EPHB3: variants seen among roughly 807,000 people sequenced by gnomAD.
The protein encoded by EPHB3 is EPH receptor B3.
Under a neutral mutation model 100.2 loss-of-function variants are expected in EPHB3, and 33 were observed. That is an observed-to-expected ratio of 0.33 (90% confidence interval 0.25 to 0.44). The LOEUF (loss-of-function observed/expected upper bound fraction) is 0.44, where lower values mean the gene tolerates loss of function less well. Among genes scored for constraint, EPHB3 ranks in the 20% least tolerant of loss-of-function variants. EPHB3 has a pLI of 1.00. For missense variants in EPHB3, 1,045 were observed against 1,378.3 expected (o/e 0.76, Z 3.83); for synonymous variants, 526 against 554.7 (o/e 0.95, Z 0.73).
At position 184,577,119 on chromosome 3, in the gene EPHB3, T is replaced by C; in HGVS notation, c.1290T>C (p.Gly430=). 1 of 1,612,304 alleles carries C rather than the reference T, an allele frequency of 6.2e-7. No homozygotes were observed. The highest frequency in any genetic ancestry group is 8.5e-7 in the Non-Finnish European group (1 of 1,179,040). Residue 430 remains glycine (G), a synonymous_variant, in exon 5 of 16, where the codon GGT becomes GGC. Coordinates refer to ENST00000330394, the MANE Select transcript of EPHB3 (RefSeq NM_004443.4). This position sits in a 1 kb window ranked among gnomAD's most constrained non-coding sequence, Gnocchi z 4.9. ...RYTFEVQAVN[G]VSGKSPLPPR... is the part of the protein sequence containing the mutation. ...CCTTTGAGGTGCAGGCGGTCAACGG[T>C]GTCTCGGGCAAGAGCCCTCTGCCGC... is the stretch of plus-strand genomic sequence containing the variant.
chr3:184,575,951 T>C lies in EPHB3; in HGVS notation c.978T>C (p.Arg326=), dbSNP rs368716878. 6.2e-7 allele frequency: 1 copy of C among 1,613,774 alleles called. No individual in the cohort carries two copies. Among genetic ancestry groups the C allele is most frequent in the Non-Finnish European group, 8.5e-7 (1 of 1,179,828 alleles). ...SICTCHNNFY[R]ADSDSADSAC... ...GCACCTGCCACAATAACTTCTACCG[T>C]GCAGACTCGGACTCTGCGGACAGTG... The change falls in exon 4 of 16, where the codon CGT becomes CGC. Residue 326 remains arginine (R), a synonymous_variant. Coordinates refer to ENST00000330394, the MANE Select transcript of EPHB3 (RefSeq NM_004443.4).
Position 184,575,963 on chromosome 3 carries a change from C to T in EPHB3, c.990C>T (p.Asp330=), listed in dbSNP as rs1203536929. Residue 330 remains aspartate, a synonymous_variant, in exon 4 of 16, where the codon GAC becomes GAT. Coordinates refer to ENST00000330394, the MANE Select transcript of EPHB3 (RefSeq NM_004443.4). ...CHNNFYRADS[D]SADSACTTVP... is the part of the protein sequence containing the mutation. ...ATAACTTCTACCGTGCAGACTCGGA[C>T]TCTGCGGACAGTGCCTGTACCAGTG... The T allele has an allele frequency of 1.2e-6, 2 of 1,613,262 alleles. No homozygotes were observed. The highest frequency in any genetic ancestry group is 2.7e-5 in the African/African-American group (2 of 74,916).
In EPHB3 at chr3:184,579,794, G is replaced by A; in HGVS notation, c.2032G>A (p.Asp678Asn). 6.2e-7 allele frequency: 1 copy of A among 1,613,778 alleles called. No homozygotes were observed. Among genetic ancestry groups the A allele is most frequent in the Non-Finnish European group, 8.5e-7 (1 of 1,179,952 alleles). ...KVGYTERQRRDFLSEASIMGQ... is the reference protein window; with the variant it reads ...KVGYTERQRRNFLSEASIMGQ... Reference sequence around the variant, plus strand: ...GGGCTACACCGAGAGGCAGCGGCGGGACTTCCTAAGCGAGGCCTCCATCAT... The same window carrying A: ...GGGCTACACCGAGAGGCAGCGGCGGAACTTCCTAAGCGAGGCCTCCATCAT... Residue 678 changes from aspartate to asparagine, a missense_variant, in exon 11 of 16, where the codon GAC (aspartate) becomes AAC (asparagine). By Grantham distance (23) the Asp-to-Asn change is conservative (BLOSUM62 1). Around this residue, in one of 2 missense-constraint regions of EPHB3, gnomAD observed 985 missense variants for 1,331.1 expected, o/e 0.74. Transcript: ENST00000330394. This position sits in a 1 kb window ranked among gnomAD's most constrained non-coding sequence, Gnocchi z 5.2.
chr3:184,578,733 AG>A lies in EPHB3; in HGVS notation c.1801+269del, dbSNP rs1714747101. On this transcript the variant is annotated intron_variant, in intron 9 of 15. Transcript: ENST00000330394. This position sits in a 1 kb window ranked among gnomAD's most constrained non-coding sequence, Gnocchi z 4.7. ...TGGGAAAGACAAGATGCAAACACACAGGAAACAATTTGAGAACAATTAAGGG... is the reference window on the plus strand; with the variant it reads ...TGGGAAAGACAAGATGCAAACACACAGAAACAATTTGAGAACAATTAAGGG... Among the ~76,000 whole-genome samples the A allele has an allele frequency of 6.6e-6, 1 of 152,210 alleles. No homozygotes were observed.
intron 1 of EPHB3, among the ~76,000 whole-genome samples, chr3:184,568,888 T>G (rs957797190): frequency 2.8e-5 from 4 of 144,194 alleles, no homozygotes; most frequent in Non-Finnish European, 4.6e-5. Flanking sequence ...ATCCCCTCCC[T>G]CCCTCCCTCT....
chr3:184,580,124 G>GT lies in EPHB3; in HGVS notation c.2172+191dup, dbSNP rs749898653. On this transcript the variant is annotated intron_variant, in intron 11 of 15. Coordinates refer to ENST00000330394, the MANE Select transcript of EPHB3 (RefSeq NM_004443.4). ...ACATCTTGACTGTTCCTTACTGCCT[G>GT]TGTGACCTCAGGCAAGTGACTTAAC... Among the ~76,000 whole-genome samples, 10 of 152,320 alleles carry GT rather than the reference G, an allele frequency of 6.6e-5. No homozygotes were observed. In the East Asian group the frequency reaches 1.7e-3, roughly 26 times the overall value.
rs188123192 is a variant in EPHB3, at chr3:184,565,911, C to A, written c.118+3558C>A. The stretch of plus-strand genomic sequence containing the variant: ...TGCCGTGGGCAAGGCCTCTGCCGCA[C>A]GGCCTTCCACTAATTAAACAGCATG... On this transcript the variant is annotated intron_variant, in intron 1 of 15. Transcript: ENST00000330394. The surrounding 1 kb of genome is among the most constrained non-coding windows in gnomAD (Gnocchi z 4.8). 1.1e-3 allele frequency among the ~76,000 whole-genome samples: 172 copies of A among 152,354 alleles called. 1 individual carries two copies. The highest frequency in any genetic ancestry group is 3.8e-3 in the African/African-American group (157 of 41,580).
Position 184,577,934 on chromosome 3 carries a change from T to G in EPHB3, c.1676T>G (p.Leu559Arg), listed in dbSNP as rs1714720741. 2 of 1,613,980 alleles carry G rather than the reference T, an allele frequency of 1.2e-6. No individual in the cohort carries two copies. Among genetic ancestry groups the G allele is most frequent in the Non-Finnish European group, 1.7e-6 (2 of 1,179,964 alleles). The change falls in exon 8 of 16, where the codon CTC (leucine) becomes CGC (arginine). Residue 559 changes from leucine (L) to arginine (R), a missense_variant. Coordinates refer to ENST00000330394, the MANE Select transcript of EPHB3 (RefSeq NM_004443.4). This position sits in a 1 kb window ranked among gnomAD's most constrained non-coding sequence, Gnocchi z 4.9. ...CAGCAGCTCCAGGAGCAGCTTCCCCTCATCGTGGGCTCCGCTACAGCTGGG... is the reference window on the plus strand; with the variant it reads ...CAGCAGCTCCAGGAGCAGCTTCCCCGCATCGTGGGCTCCGCTACAGCTGGG... ...GAQQLQEQLP[L>R]IVGSATAGLV... is the part of the protein sequence containing the mutation.
chr3:184,569,263 T>C lies in EPHB3; in HGVS notation c.119-2055T>C, dbSNP rs1480720005. Among the ~76,000 whole-genome samples the C allele has an allele frequency of 6.6e-6, 1 of 151,866 alleles. No homozygotes were observed. Among genetic ancestry groups the C allele is most frequent in the Non-Finnish European group, 1.5e-5 (1 of 67,942 alleles). The stretch of plus-strand genomic sequence containing the variant: ...CGCTTGCTCTGCCGGCTCCCGGGAC[T>C]GACACTCGCGCTGCCGGCTGGGGAC... On this transcript the variant is annotated intron_variant, in intron 1 of 15. Transcript: ENST00000330394. This position sits in a 1 kb window ranked among gnomAD's most constrained non-coding sequence, Gnocchi z 5.4.
chr3:184,577,504 G>A lies in EPHB3; in HGVS notation c.1479+37G>A. The A allele has an allele frequency of 6.2e-7, 1 of 1,611,040 alleles. No homozygotes were observed. The highest frequency in any genetic ancestry group is 8.5e-7 in the Non-Finnish European group (1 of 1,178,384). On this transcript the variant is annotated intron_variant, in intron 6 of 15. Coordinates refer to ENST00000330394, the MANE Select transcript of EPHB3 (RefSeq NM_004443.4). The surrounding 1 kb of genome is among the most constrained non-coding windows in gnomAD (Gnocchi z 4.9). ...AAGGGGCAGGAGGAGGCCTTGGGCT[G>A]AGCTGGGCTGAGAAAATTACCCCCG...
rs900852237 is a variant in EPHB3, at chr3:184,572,356, C to T, written c.184-148C>T. 7 of 829,924 alleles carry T rather than the reference C, an allele frequency of 8.4e-6. No homozygotes were observed. Among genetic ancestry groups the T allele is most frequent in the Admixed American group, 3.9e-5 (1 of 25,434 alleles). 51.4% of individuals were successfully genotyped at this position (829,924 alleles called of 1,614,324 possible). A position where few individuals can be genotyped will look rare whatever the true frequency, so the allele number is the denominator to read the frequency against. On this transcript the variant is annotated intron_variant, in intron 2 of 15. Coordinates refer to ENST00000330394, the MANE Select transcript of EPHB3 (RefSeq NM_004443.4). This position sits in a 1 kb window ranked among gnomAD's most constrained non-coding sequence, Gnocchi z 6.6. The stretch of plus-strand genomic sequence containing the variant: ...CCATAATCACACAGCAGGCAGAGAG[C>T]TGGAATTTGAGCCCATATAGCCTGT...
intron 3 of EPHB3, among the ~76,000 whole-genome samples, chr3:184,574,020 C>T (rs1714611033): frequency 6.6e-6 from 1 of 152,160 alleles, no homozygotes; most frequent in African/African-American, 2.4e-5. Flanking sequence ...TGGCCCTGGG[C>T]AAGTTACTTA....
In EPHB3 at chr3:184,577,148, G is replaced by A. The variant is rs370732996; in HGVS notation, c.1319G>A (p.Arg440His). Residue 440 changes from arginine (R) to histidine (H), a missense_variant, in exon 5 of 16, where the codon CGT becomes CAT. Arg to His is a conservative substitution (Grantham distance 29). This residue lies in a region of EPHB3 where 985 missense variants were observed against 1,331.1 expected (regional missense o/e 0.74). Transcript: ENST00000330394. The surrounding 1 kb of genome is among the most constrained non-coding windows in gnomAD (Gnocchi z 4.9). ...TCGGGCAAGAGCCCTCTGCCGCCTCGTTATGCGGCCGTGAATATCACCACA... is the reference window on the plus strand; with the variant it reads ...TCGGGCAAGAGCCCTCTGCCGCCTCATTATGCGGCCGTGAATATCACCACA... ...GVSGKSPLPP[R>H]YAAVNITTNQ... 1.1e-5 allele frequency: 18 copies of A among 1,608,324 alleles called. No homozygotes were observed. The East Asian group carries it at 1.3e-4, about 12-fold the overall frequency.
rs1291164104 is a variant in EPHB3 at position 184,569,541 on chromosome 3, G to A, written c.119-1777G>A. Among the ~76,000 whole-genome samples, 1 of 152,140 alleles carries A rather than the reference G, an allele frequency of 6.6e-6. No homozygotes were observed. The highest frequency in any genetic ancestry group is 1.5e-5 in the Non-Finnish European group (1 of 68,024). On this transcript the variant is annotated intron_variant, in intron 1 of 15. Coordinates refer to ENST00000330394, the MANE Select transcript of EPHB3 (RefSeq NM_004443.4). This position sits in a 1 kb window ranked among gnomAD's most constrained non-coding sequence, Gnocchi z 5.4. ...GCTTCCCTCGAGTACCCCCCAGGCC[G>A]AATGTCTGTGTCTGTCTGTCTGTCT...
rs1714718875 is a variant in EPHB3, at chr3:184,577,901, C to T, written c.1643C>T (p.Ser548Phe). 5.6e-6 allele frequency: 9 copies of T among 1,613,732 alleles called. No homozygotes were observed. Among genetic ancestry groups the T allele is most frequent in the Non-Finnish European group, 7.6e-6 (9 of 1,179,806 alleles). The part of the protein sequence containing the change: ...AEFETTSERG[S>F]GAQQLQEQLP... ...GCAGCCCCTTCTCTATCTCCAGGCTCTGGGGCCCAGCAGCTCCAGGAGCAG... is the reference window on the plus strand; with the variant it reads ...GCAGCCCCTTCTCTATCTCCAGGCTTTGGGGCCCAGCAGCTCCAGGAGCAG... The change falls in exon 8 of 16, where the codon TCT becomes TTT. Residue 548 changes from serine to phenylalanine, a missense_variant. Transcript: ENST00000330394. This position sits in a 1 kb window ranked among gnomAD's most constrained non-coding sequence, Gnocchi z 4.9.
rs1052822482 is a variant in EPHB3, at chr3:184,573,142, C to T, written c.822C>T (p.Gly274=). 7.4e-6 allele frequency: 12 copies of T among 1,612,516 alleles called. No homozygotes were observed. In the African/African-American group the frequency reaches 1.6e-4, roughly 22 times the overall value. ...VPVGACTCAT[G]HEPAAKESQC... ...TGGGTGCCTGCACCTGTGCCACCGG[C>T]CATGAGCCAGCTGCCAAGGAGTCCC... The change falls in exon 3 of 16, where the codon GGC becomes GGT. Residue 274 remains glycine (G), a synonymous_variant. Transcript: ENST00000330394. This position sits in a 1 kb window ranked among gnomAD's most constrained non-coding sequence, Gnocchi z 4.5.
chr3:184,577,307 C>T lies in EPHB3; in HGVS notation c.1355-36C>T, dbSNP rs977264187. On this transcript the variant is annotated intron_variant, in intron 5 of 15. Coordinates refer to ENST00000330394, the MANE Select transcript of EPHB3 (RefSeq NM_004443.4). This position sits in a 1 kb window ranked among gnomAD's most constrained non-coding sequence, Gnocchi z 4.9. ...GGGTCTTTGGGAAGGATGCCAGGGT[C>T]CAGGGAGCCCCTGGTGAGCCCTCTG... 2 of 1,606,380 alleles carry T rather than the reference C, an allele frequency of 1.2e-6. No homozygotes were observed. The highest frequency in any genetic ancestry group is 2.7e-5 in the African/African-American group (2 of 74,718).
At chr3:184,567,049 G>T (rs1328448489) in intron 1 of EPHB3, among the ~76,000 whole-genome samples, 1 of 152,100 alleles carries the variant, frequency 6.6e-6, no homozygotes, top group African/African-American at 2.4e-5. Flanking sequence ...GAAGAGCCTT[G>T]CCCAGAGCTT....
Position 184,579,988 on chromosome 3 carries a change from A to C in EPHB3, c.2172+54A>C. The C allele has an allele frequency of 6.3e-7, 1 of 1,574,930 alleles. No homozygotes were observed. Among genetic ancestry groups the C allele is most frequent in the Non-Finnish European group, 8.6e-7 (1 of 1,162,134 alleles). On this transcript the variant is annotated intron_variant, in intron 11 of 15. Transcript: ENST00000330394. The surrounding 1 kb of genome is among the most constrained non-coding windows in gnomAD (Gnocchi z 5.2). ...TCCCCCAGAGAGTTGGATTGGGCTC[A>C]CCATCCCCTCCCACAAGTCAGACAG... is the stretch of plus-strand genomic sequence containing the variant.
Sources: gnomAD v4.1 joint callset for allele counts (sites outside exome capture counted in the v4.1 genomes callset) on GRCh38, gnomAD v4.1.1 for gene constraint, gnomAD v4.1.1 regional missense constraint, Gnocchi (gnomAD v3.1) non-coding constraint, MANE v1.5 for transcripts, NCBI Gene and HGNC (gene_info 2026-07-23, HGNC 2026-07-21) for gene names.